TEX11: variants seen among roughly 807,000 people sequenced by gnomAD.
The protein encoded by TEX11 is testis expressed 11.
A neutral mutation model predicts 84.4 loss-of-function variants in TEX11; 7 were observed. The observed-to-expected ratio is 0.08, with a 90% CI of 0.05 to 0.16. TEX11 has a LOEUF of 0.16. Ranked by LOEUF, TEX11 falls within the 10% of genes least tolerant of loss-of-function variation. The pLI, the probability that TEX11 is intolerant of heterozygous loss-of-function variation, is 1.00. For synonymous variants in TEX11, 264 were observed against 222.8 expected (o/e 1.18, Z -1.64); for missense variants, 551 against 660.5 (o/e 0.83, Z 1.82).
intron 13 of TEX11, among the ~76,000 whole-genome samples, chrX:70,722,376 A>T (rs2090566361): frequency 8.9e-6 from 1 of 111,840 alleles, no homozygotes; most frequent in African/African-American, 3.2e-5. Context: ...GGCTCAAGTG[A>T]TCCTCCCGCC....
In TEX11 at chrX:70,759,386, C is replaced by T. The variant is rs145269530; in HGVS notation, c.693-15167G>A. 7.2e-3 allele frequency among the ~76,000 whole-genome samples: 808 copies of T among 111,646 alleles called. 9 individuals carry two copies. The highest frequency in any genetic ancestry group is 0.025 in the African/African-American group (779 of 30,707). ...AATCCTCAATAAAATACTGGCAAAC[C>T]AAATCCAGCAGCACATCAAAAAGCT... On this transcript the variant is annotated intron_variant, in intron 9 of 29. Coordinates refer to ENST00000374333, the MANE Select transcript of TEX11 (RefSeq NM_031276.3).
chrX:70,606,837 T>A (rs943714436), intron 23 of TEX11, 122 bp downstream of exon 23: 37 of 379,171 alleles, frequency 9.8e-5, no homozygotes, highest in Non-Finnish European at 1.8e-5. Flanking sequence ...CCTGCTTACA[T>A]ATATATTAAA....
intron 8 of TEX11, among the ~76,000 whole-genome samples, chrX:70,829,311 G>A (rs1006732622): frequency 4.1e-4 from 45 of 110,122 alleles, no homozygotes; most frequent in Non-Finnish European, 1.5e-4. Flanking sequence ...GTGAAACCCC[G>A]TCTCTACTAA....
At chrX:70,623,919 G>A in intron 20 of TEX11, 31 bp downstream of exon 20, 1 of 1,134,830 alleles carries the variant, frequency 8.8e-7, no homozygotes, top group Non-Finnish European at 1.2e-6. Context: ...TGTCTAATGG[G>A]GAATACATCA....
intron 9 of TEX11, among the ~76,000 whole-genome samples, chrX:70,762,802 AG>A (rs923177784): frequency 3.6e-5 from 4 of 111,364 alleles, no homozygotes; most frequent in Non-Finnish European, 7.5e-5. Flanking sequence ...TGGGAGGCTG[AG>A]GGGGCAGATC....
intron 4 of TEX11, among the ~76,000 whole-genome samples, chrX:70,861,623 C>T (rs1425337240): frequency 2.7e-5 from 3 of 109,782 alleles, no homozygotes; most frequent in Admixed American, 9.8e-5. Context: ...TGCGCCACCA[C>T]GCCCAGCTAA....
intron 9 of TEX11, among the ~76,000 whole-genome samples, chrX:70,804,971 C>CTTTTTTT (rs748863855): frequency 1.5e-5 from 1 of 68,208 alleles, no homozygotes; most frequent in Non-Finnish European, 2.6e-5. Flanking sequence ...CACCAGCATC[C>CTTTTTTT]TTTTTTTTTT....
At chrX:70,556,332 T>TAA (rs889152623) in intron 25 of TEX11, among the ~76,000 whole-genome samples, 7 of 110,782 alleles carry the variant, frequency 6.3e-5, no homozygotes, top group Admixed American at 1.9e-4. Flanking sequence ...TTCATTCAAT[T>TAA]AAAAAAAATT....
At chrX:70,797,319 C>T (rs1266198382) in intron 9 of TEX11, among the ~76,000 whole-genome samples, 2 of 111,522 alleles carry the variant, frequency 1.8e-5, no homozygotes, top group Non-Finnish European at 3.8e-5. Context: ...TGCAGCAACA[C>T]GGATGCAGCT....
intron 13 of TEX11, among the ~76,000 whole-genome samples, chrX:70,703,022 A>G (rs1490596057): frequency 9.0e-6 from 1 of 111,623 alleles, no homozygotes; most frequent in Non-Finnish European, 1.9e-5. Flanking sequence ...AACACTTTGC[A>G]GATATTAATA....
chrX:70,636,585 G>A (rs1322972304), intron 17 of TEX11, among the ~76,000 whole-genome samples: 1 of 112,214 alleles, frequency 8.9e-6, no homozygotes, highest in Non-Finnish European at 1.9e-5. Flanking sequence ...CTATCCCAGG[G>A]GACCCAGGCA....
intron 25 of TEX11, among the ~76,000 whole-genome samples, chrX:70,570,266 A>C: frequency 8.9e-6 from 1 of 112,305 alleles, no homozygotes; most frequent in East Asian, 2.8e-4. Context: ...AGAAAAGCGC[A>C]GTATTGGGGT....
At chrX:70,769,671 T>G in intron 9 of TEX11, among the ~76,000 whole-genome samples, 1 of 111,820 alleles carries the variant, frequency 8.9e-6, no homozygotes, top group Non-Finnish European at 1.9e-5. Flanking sequence ...TTCTTTCTCT[T>G]AAAGGAGGTC....
the TEX11 span, among the ~76,000 whole-genome samples, chrX:70,521,834 G>A: frequency 2.0e-4 from 22 of 111,325 alleles, no homozygotes; most frequent in East Asian, 2.8e-3. Context: ...GGAAAAGAGT[G>A]AGGACAGGTC....
At chrX:70,723,752 A>G (rs1421557645) in intron 12 of TEX11, among the ~76,000 whole-genome samples, 2 of 111,718 alleles carry the variant, frequency 1.8e-5, no homozygotes, top group Non-Finnish European at 3.8e-5. Context: ...TCCTTTCACA[A>G]TGAAAAATGT....
chrX:70,602,116 G>A (rs1490189657), intron 24 of TEX11, among the ~76,000 whole-genome samples: 19 of 111,896 alleles, frequency 1.7e-4, no homozygotes, highest in Non-Finnish European at 2.6e-4. Flanking sequence ...GGGGCGGCCG[G>A]GCAGAAGCGC....
chrX:70,513,069 A>G, the TEX11 span, among the ~76,000 whole-genome samples: 3 of 108,764 alleles, frequency 2.8e-5, no homozygotes, highest in African/African-American at 1.0e-4. Flanking sequence ...AAAAGAATAT[A>G]TAGGCTGGGC....
At chrX:70,601,682 G>A (rs1226830081) in intron 24 of TEX11, among the ~76,000 whole-genome samples, 1 of 100,167 alleles carries the variant, frequency 1.0e-5, no homozygotes, top group African/African-American at 3.7e-5. Flanking sequence ...AGGACCCTGC[G>A]GCCTTCTGCA....
intron 4 of TEX11, among the ~76,000 whole-genome samples, chrX:70,867,592 C>CT (rs768448904): frequency 1.8e-5 from 2 of 111,547 alleles, no homozygotes; most frequent in East Asian, 5.6e-4. Flanking sequence ...AAGAACAAAA[C>CT]TGGAGGCATC....
Sources: gnomAD v4.1 joint callset for allele counts (sites outside exome capture counted in the v4.1 genomes callset) on GRCh38, gnomAD v4.1.1 for gene constraint, MANE v1.5 for transcripts, NCBI Gene and HGNC (gene_info 2026-07-23, HGNC 2026-07-21) for gene names.